FAM81A: variants seen among roughly 807,000 people sequenced by gnomAD.
FAM81A encodes the protein family with sequence similarity 81 member A.
In FAM81A, 19 loss-of-function variants were observed where a neutral mutation model predicts 46.7. The observed-to-expected ratio is 0.41, with a 90% CI of 0.28 to 0.60. FAM81A has a LOEUF of 0.60. Among genes scored for constraint, FAM81A ranks in the 20% least tolerant of loss-of-function variants. FAM81A has a pLI of 0.34. For missense variants in FAM81A, 377 were observed against 453.5 expected (o/e 0.83, Z 1.53); for synonymous variants, 183 against 152.9 (o/e 1.20, Z -1.45).
At chr15:59,443,467 C>T (rs1270876898) in intron 1 of FAM81A, among the ~76,000 whole-genome samples, 1 of 152,192 alleles carries the variant, frequency 6.6e-6, no homozygotes, top group South Asian at 2.1e-4. Context: ...TCTTTCATTT[C>T]CTCTAATCTG....
intron 2 of FAM81A, among the ~76,000 whole-genome samples, chr15:59,410,761 G>A (rs1486452623): frequency 6.6e-6 from 1 of 152,234 alleles, no homozygotes; most frequent in Non-Finnish European, 1.5e-5. Flanking sequence ...TTGAGACAGT[G>A]TCTTGCTCTG....
chr15:59,522,501 G>T lies in FAM81A; in HGVS notation c.*1123G>T, dbSNP rs539965898. 1.6e-4 allele frequency: 25 copies of T among 152,402 alleles called. No homozygotes were observed. In the East Asian group the frequency reaches 4.6e-3, roughly 28 times the overall value. 9.4% of individuals were successfully genotyped at this position (152,402 alleles called of 1,614,324 possible). A position where few individuals can be genotyped will look rare whatever the true frequency, so the allele number is the denominator to read the frequency against. ...ATGGACAACAATTCAAATTGATATT[G>T]CATTTATAGCACTGTAAGAAACTTT... is the stretch of plus-strand genomic sequence containing the variant. On this transcript the variant is annotated 3_prime_UTR_variant, in exon 9 of 9. Coordinates refer to ENST00000288228, the MANE Select transcript of FAM81A (RefSeq NM_152450.3).
At chr15:59,410,633 A>G (rs1435843505) in intron 2 of FAM81A, among the ~76,000 whole-genome samples, 1 of 152,274 alleles carries the variant, frequency 6.6e-6, no homozygotes, top group Non-Finnish European at 1.5e-5. Flanking sequence ...CTCATTAACC[A>G]GAGAACAGTC....
At chr15:59,491,631 T>A (rs1195535673) in intron 3 of FAM81A, among the ~76,000 whole-genome samples, 1 of 152,192 alleles carries the variant, frequency 6.6e-6, no homozygotes, top group Non-Finnish European at 1.5e-5. Context: ...TCATTCACCC[T>A]GATGTGATTA....
rs1182654674 is a variant in FAM81A, at chr15:59,423,153, A to T, written c.-78+20795A>T. On this transcript the variant is annotated intron_variant, in intron 2 of 4. Coordinates refer to the FAM81A transcript ENST00000558348. ...CGCACTGTCGCCCAGGCTGGAGTGC[A>T]GTGGCGCGATCTCGGCTCACTGCAA... Among the ~76,000 whole-genome samples, 3 of 152,234 alleles carry T rather than the reference A, an allele frequency of 2.0e-5. No individual in the cohort carries two copies. The South Asian group carries it at 6.2e-4, about 32-fold the overall frequency.
At chr15:59,459,259 C>G (rs1344215611) in intron 2 of FAM81A, among the ~76,000 whole-genome samples, 1 of 152,174 alleles carries the variant, frequency 6.6e-6, no homozygotes, top group Non-Finnish European at 1.5e-5. Flanking sequence ...CTCAGCCACC[C>G]AAAGTGTTGG....
chr15:59,441,812 G>A (rs1358428614), intron 1 of FAM81A, among the ~76,000 whole-genome samples: 2 of 152,298 alleles, frequency 1.3e-5, no homozygotes, highest in Non-Finnish European at 2.9e-5. Context: ...ACACGGGGAT[G>A]CTGTGAGATC....
chr15:59,501,835 G>A (rs1188184855), intron 4 of FAM81A, among the ~76,000 whole-genome samples: 2 of 152,106 alleles, frequency 1.3e-5, no homozygotes, highest in Non-Finnish European at 2.9e-5. Flanking sequence ...TAGGAAAACT[G>A]GTTAGATTCA....
chr15:59,476,959 A>C (rs1360595645), intron 3 of FAM81A, among the ~76,000 whole-genome samples: 1 of 149,232 alleles, frequency 6.7e-6, no homozygotes. Flanking sequence ...ATCTCTACTA[A>C]AAATACAAAA....
At chr15:59,401,205 T>C (rs2081068562) in intron 1 of FAM81A, 1 of 876,504 alleles carries the variant, frequency 1.1e-6, no homozygotes, top group Non-Finnish European at 2.0e-6. Context: ...TCAATAATTA[T>C]ATATGAAATT....
chr15:59,509,497 T>G (rs532585616), intron 6 of FAM81A, among the ~76,000 whole-genome samples: 7 of 152,298 alleles, frequency 4.6e-5, no homozygotes, highest in African/African-American at 1.7e-4. Flanking sequence ...ATGGGTTTTA[T>G]CTGATAAGCC....
At chr15:59,415,908 A>T (rs1282912432) in intron 2 of FAM81A, among the ~76,000 whole-genome samples, 3 of 152,226 alleles carry the variant, frequency 2.0e-5, no homozygotes, top group Non-Finnish European at 4.4e-5. Flanking sequence ...TGATTAAGGG[A>T]TACTCAGTAG....
At chr15:59,484,246 A>C (rs1211322063) in intron 3 of FAM81A, among the ~76,000 whole-genome samples, 1 of 152,226 alleles carries the variant, frequency 6.6e-6, no homozygotes, top group Non-Finnish European at 1.5e-5. Flanking sequence ...TGTCACATAA[A>C]ATTTCTTCTT....
intron 4 of FAM81A, among the ~76,000 whole-genome samples, chr15:59,495,062 C>T (rs2082020010): frequency 6.6e-6 from 1 of 152,168 alleles, no homozygotes; most frequent in Non-Finnish European, 1.5e-5. Context: ...ATATAAGTCA[C>T]CTACTTAAAG....
intron 2 of FAM81A, among the ~76,000 whole-genome samples, chr15:59,413,500 T>A (rs2081131742): frequency 6.6e-6 from 1 of 151,096 alleles, no homozygotes; most frequent in East Asian, 1.9e-4. Flanking sequence ...AACTGAGGAA[T>A]TAATAGCTGA....
At chr15:59,414,879 G>C (rs900839833) in intron 2 of FAM81A, among the ~76,000 whole-genome samples, 9 of 151,986 alleles carry the variant, frequency 5.9e-5, no homozygotes, top group Non-Finnish European at 2.9e-5. Context: ...GCAGTGGTGG[G>C]ATCTCAGCTC....
At chr15:59,499,299 A>G (rs1212774737) in intron 4 of FAM81A, among the ~76,000 whole-genome samples, 7 of 152,110 alleles carry the variant, frequency 4.6e-5, no homozygotes, top group Non-Finnish European at 7.4e-5. Flanking sequence ...CTTACCCCCA[A>G]TACAGCTTTG....
intron 8 of FAM81A, among the ~76,000 whole-genome samples, chr15:59,520,290 C>T (rs1032720218): frequency 6.6e-5 from 10 of 152,108 alleles, no homozygotes; most frequent in Non-Finnish European, 1.2e-4. Flanking sequence ...TTCACACCCT[C>T]GCTAATGCTT....
At chr15:59,452,856 A>G (rs2081435890) in intron 1 of FAM81A, among the ~76,000 whole-genome samples, 1 of 152,176 alleles carries the variant, frequency 6.6e-6, no homozygotes, top group African/African-American at 2.4e-5. Flanking sequence ...CCAACTTACC[A>G]GGCTCAGGTG....
Sources: gnomAD v4.1 joint callset for allele counts (sites outside exome capture counted in the v4.1 genomes callset) on GRCh38, gnomAD v4.1.1 for gene constraint, MANE v1.5 for transcripts, NCBI Gene and HGNC (gene_info 2026-07-23, HGNC 2026-07-21) for gene names.